CTNNA3: variants seen among roughly 807,000 people sequenced by gnomAD.
The protein encoded by CTNNA3 is catenin alpha 3, also known as catenin alpha-3.
In CTNNA3, 76 loss-of-function variants were observed where a neutral mutation model predicts 95.7. The observed-to-expected ratio is 0.79, with a 90% CI of 0.66 to 0.96. The LOEUF (loss-of-function observed/expected upper bound fraction) is 0.96. CTNNA3 is among the 40% of genes least tolerant of loss of function. The pLI, the probability that CTNNA3 is intolerant of heterozygous loss-of-function variation, is 0.00. For missense variants in CTNNA3, 1,191 were observed against 1,089.8 expected, an observed-to-expected ratio of 1.09 and a Z score of -1.31; for synonymous variants, 431 against 374.4, an observed-to-expected ratio of 1.15 and a Z score of -1.74.
At chr10:66,377,621 T>C (rs530162781) in intron 12 of CTNNA3, among the ~76,000 whole-genome samples, 1 of 152,012 alleles carries the variant, frequency 6.6e-6, no homozygotes, top group Non-Finnish European at 1.5e-5. Flanking sequence ...AGATTTTACC[T>C]AACCAATTCC....
intron 7 of CTNNA3, among the ~76,000 whole-genome samples, chr10:67,137,079 G>A (rs2132032921): frequency 6.6e-6 from 1 of 152,240 alleles, no homozygotes; most frequent in South Asian, 2.1e-4. Context: ...TGGATGAGGA[G>A]AGGCAGGAGG....
chr10:66,263,380 C>A (rs1014524083), intron 13 of CTNNA3, among the ~76,000 whole-genome samples: 1 of 151,988 alleles, frequency 6.6e-6, no homozygotes, highest in African/African-American at 2.4e-5. Context: ...ATTTGAGACA[C>A]ACTAAGAGTC....
intron 11 of CTNNA3, among the ~76,000 whole-genome samples, chr10:66,425,020 G>T (rs971161614): frequency 1.1e-4 from 17 of 151,786 alleles, no homozygotes; most frequent in African/African-American, 3.6e-4. Context: ...CCTATGATTT[G>T]GTTGGTTCTG....
intron 9 of CTNNA3, among the ~76,000 whole-genome samples, chr10:66,645,017 A>G (rs1845657457): frequency 6.6e-6 from 1 of 152,172 alleles, no homozygotes; most frequent in East Asian, 1.9e-4. Flanking sequence ...ATAGTATGTA[A>G]TCTTTTGGGA....
chr10:67,699,974 C>T (rs1441145432), upstream of CTNNA3, among the ~76,000 whole-genome samples: 1 of 152,254 alleles, frequency 6.6e-6, no homozygotes, highest in Non-Finnish European at 1.5e-5. Flanking sequence ...AGATTATATC[C>T]CGCACATGCT....
At chr10:66,200,770 C>A (rs185088777) in intron 13 of CTNNA3, among the ~76,000 whole-genome samples, 163 of 152,260 alleles carry the variant, frequency 1.1e-3, no homozygotes, top group African/African-American at 3.6e-3. Context: ...TTAAACATTA[C>A]CCAGCATATA....
At chr10:66,075,698 C>G (rs1043500979) in intron 14 of CTNNA3, among the ~76,000 whole-genome samples, 3 of 151,642 alleles carry the variant, frequency 2.0e-5, no homozygotes, top group African/African-American at 7.3e-5. Flanking sequence ...CTCAGAAGCC[C>G]CAGAATCCAC....
chr10:66,551,365 C>A (rs368868759), intron 10 of CTNNA3, among the ~76,000 whole-genome samples: 44 of 152,050 alleles, frequency 2.9e-4, no homozygotes, highest in African/African-American at 1.0e-3. Flanking sequence ...AAGTAATATA[C>A]GTATCAGTTT....
chr10:66,648,521 C>T (rs1388701029), intron 9 of CTNNA3, among the ~76,000 whole-genome samples: 1 of 151,998 alleles, frequency 6.6e-6, no homozygotes, highest in Non-Finnish European at 1.5e-5. Context: ...GCGAATCCTA[C>T]CTAAAGACCG....
chr10:67,397,202 T>C (rs949350467), intron 5 of CTNNA3, among the ~76,000 whole-genome samples: 2 of 152,164 alleles, frequency 1.3e-5, no homozygotes, highest in African/African-American at 4.8e-5. Flanking sequence ...TGGAACATCC[T>C]AGAGACTAGG....
At chr10:66,030,643 C>A (rs184921946) in intron 15 of CTNNA3, among the ~76,000 whole-genome samples, 18 of 152,176 alleles carry the variant, frequency 1.2e-4, no homozygotes, top group Admixed American at 1.0e-3. Flanking sequence ...GAATGTTAGC[C>A]TTGGCAAATA....
At chr10:65,932,950 T>C (rs1328348100) in intron 17 of CTNNA3, among the ~76,000 whole-genome samples, 1 of 152,148 alleles carries the variant, frequency 6.6e-6, no homozygotes, top group African/African-American at 2.4e-5. Context: ...GATTGACTTT[T>C]GTGATTAAAA....
chr10:67,519,566 T>A (rs771040001), intron 5 of CTNNA3, among the ~76,000 whole-genome samples: 6 of 152,274 alleles, frequency 3.9e-5, no homozygotes, highest in East Asian at 3.9e-4. Flanking sequence ...TGGTTCTTTG[T>A]TCATAGCAAC....
intron 9 of CTNNA3, among the ~76,000 whole-genome samples, chr10:66,688,666 T>C (rs1216795219): frequency 6.6e-6 from 1 of 152,098 alleles, no homozygotes; most frequent in Non-Finnish European, 1.5e-5. Context: ...TTTCTAAAAT[T>C]AAAGCCCCAT....
At position 66,512,187 on chromosome 10, in the gene CTNNA3, G is replaced by T. The variant is rs574381650; in HGVS notation, c.1531+8430C>A. ...AGTCTATTTTGTCTGATATAAGTTT[G>T]CTACTTTTGCACACTTTTTGTTTGC... On this transcript the variant is annotated intron_variant, in intron 11 of 17. Transcript: ENST00000433211. Among the ~76,000 whole-genome samples the T allele has an allele frequency of 3.0e-4, 45 of 151,708 alleles. 1 individual carries two copies. The East Asian group carries it at 8.3e-3, about 28-fold the overall frequency.
chr10:67,577,424 T>C (rs553198385), intron 3 of CTNNA3, among the ~76,000 whole-genome samples: 2 of 152,322 alleles, frequency 1.3e-5, no homozygotes, highest in East Asian at 1.9e-4. Flanking sequence ...TTCTGGATAT[T>C]AGCCTTTTGT....
chr10:66,005,018 G>A (rs1397241247), intron 15 of CTNNA3, among the ~76,000 whole-genome samples: 1 of 152,188 alleles, frequency 6.6e-6, no homozygotes, highest in Non-Finnish European at 1.5e-5. Flanking sequence ...GAGGCTCTGA[G>A]AGGAGAATCC....
chr10:66,980,245 A>G (rs1311795554), intron 7 of CTNNA3, among the ~76,000 whole-genome samples: 1 of 152,204 alleles, frequency 6.6e-6, no homozygotes, highest in Non-Finnish European at 1.5e-5. Context: ...TTACTAATTT[A>G]GAGACCACTG....
rs183315984 is a variant in CTNNA3, at chr10:67,716,767, C to T, written c.-2+46667G>A. ...TCCAAGTCTTTGCTATTGTGAATAGCGCTGCAATAAACATATGTGTGCATG... is the reference window on the plus strand; with the variant it reads ...TCCAAGTCTTTGCTATTGTGAATAGTGCTGCAATAAACATATGTGTGCATG... On this transcript the variant is annotated intron_variant, in intron 1 of 17. Transcript: ENST00000684154. Among the ~76,000 whole-genome samples the T allele has an allele frequency of 4.0e-3, 608 of 152,150 alleles. 6 individuals are homozygous for T. The highest frequency in any genetic ancestry group is 0.013 in the African/African-American group (560 of 41,498).
Sources: allele counts gnomAD v4.1 joint callset (sites outside exome capture counted in the v4.1 genomes callset), GRCh38; gene constraint gnomAD v4.1.1; transcripts MANE v1.5; gene names NCBI Gene and HGNC (gene_info 2026-07-23, HGNC 2026-07-21).